The following MACO1 variants were observed in gnomAD, a reference collection of about 807,000 sequenced individuals.
MACO1 encodes the protein macoilin 1, also known as macoilin.
MACO1 carries 14 observed loss-of-function variants against 78.7 expected under a neutral mutation model. The ratio of observed to expected loss-of-function variants is 0.18; its 90% confidence interval spans 0.12 to 0.28. The LOEUF (loss-of-function observed/expected upper bound fraction) is 0.28. Among genes scored for constraint, MACO1 ranks in the 10% least tolerant of loss-of-function variants. The pLI is 1.00. For missense variants in MACO1, 501 were observed against 799.0 expected (o/e 0.63, Z 4.50); for synonymous variants, 288 against 291.6 (o/e 0.99, Z 0.12).
chr1:25,457,167 C>T (rs2043129059), intron 5 of MACO1, among the ~76,000 whole-genome samples: 1 of 151,612 alleles, frequency 6.6e-6, no homozygotes. Flanking sequence ...GCAGTGATAA[C>T]AGTTAGGGAC....
At chr1:25,453,520 G>A (rs2043086933) in intron 3 of MACO1, among the ~76,000 whole-genome samples, 3 of 151,082 alleles carry the variant, frequency 2.0e-5, no homozygotes, top group South Asian at 2.1e-4. Flanking sequence ...AAAATTAGCC[G>A]GTCGTGGTGG....
chr1:25,498,667 C>T lies in MACO1; in HGVS notation c.*201C>T. On this transcript the variant is annotated 3_prime_UTR_variant, in exon 11 of 11. Transcript: ENST00000374343. ...GTTTTTCTTGTAAATTTTTAGAAGACCTCACAGAACTTTACAGTTTATTTT... is the reference window on the plus strand; with the variant it reads ...GTTTTTCTTGTAAATTTTTAGAAGATCTCACAGAACTTTACAGTTTATTTT... 5 of 495,170 alleles carry T rather than the reference C, an allele frequency of 1.0e-5. No homozygotes were observed. 30.7% of individuals were successfully genotyped at this position (495,170 alleles called of 1,614,324 possible). A position where few individuals can be genotyped will look rare whatever the true frequency, so the allele number is the denominator to read the frequency against.
intron 3 of MACO1, 38 bp from the exon 4 acceptor site, chr1:25,454,221 C>A (rs1263006782): frequency 2.1e-5 from 32 of 1,530,488 alleles, no homozygotes; most frequent in Non-Finnish European, 2.6e-5. Context: ...GTTACTATAT[C>A]GTTTATTAAT....
At chr1:25,434,488 C>T (rs902235514) in intron 1 of MACO1, among the ~76,000 whole-genome samples, 10 of 152,070 alleles carry the variant, frequency 6.6e-5, no homozygotes, top group Non-Finnish European at 1.3e-4. Flanking sequence ...TCTAGTAGGC[C>T]GTAGTAATAC....
chr1:25,437,999 A>T (rs1363297413), intron 1 of MACO1, among the ~76,000 whole-genome samples: 1 of 152,224 alleles, frequency 6.6e-6, no homozygotes, highest in African/African-American at 2.4e-5. Context: ...CACCATAATC[A>T]GCCCCCAATT....
At position 25,453,750 on chromosome 1, in the gene MACO1, T is replaced by C. The variant is rs148724262; in HGVS notation, c.350-509T>C. Among the ~76,000 whole-genome samples, 543 of 151,970 alleles carry C rather than the reference T, an allele frequency of 3.6e-3. 7 individuals carry two copies. Among genetic ancestry groups the C allele is most frequent in the East Asian group, 4.1e-3 (21 of 5,172 alleles). Reference sequence around the variant, plus strand: ...TTAAATATACTGCCAAATTGCTATCTAAAATGGTTGTCCCAATTTATATTA... The same window carrying C: ...TTAAATATACTGCCAAATTGCTATCCAAAATGGTTGTCCCAATTTATATTA... On this transcript the variant is annotated intron_variant, in intron 3 of 10. Transcript: ENST00000374343.
intron 1 of MACO1, among the ~76,000 whole-genome samples, chr1:25,438,356 C>G (rs924011203): frequency 2.6e-5 from 4 of 152,310 alleles, no homozygotes; most frequent in Middle Eastern, 3.4e-3. Context: ...CTTAATCACA[C>G]CTTACATTTC....
intron 1 of MACO1, among the ~76,000 whole-genome samples, chr1:25,438,431 TAGGC>T (rs2042938616): frequency 6.6e-6 from 1 of 152,224 alleles, no homozygotes; most frequent in African/African-American, 2.4e-5. Context: ...AAGTGTGAAA[TAGGC>T]AGAGTAGGTA....
At chr1:25,449,237 C>T (rs2043043733) in intron 3 of MACO1, among the ~76,000 whole-genome samples, 1 of 151,876 alleles carries the variant, frequency 6.6e-6, no homozygotes, top group African/African-American at 2.4e-5. Context: ...TACTTGAAGA[C>T]AGCCATGTGC....
Position 25,458,422 on chromosome 1 carries a change from G to T in MACO1, c.684G>T (p.Ser228=). 1 of 1,599,532 alleles carries T rather than the reference G, an allele frequency of 6.3e-7. No individual in the cohort carries two copies. Among genetic ancestry groups the T allele is most frequent in the Non-Finnish European group, 8.5e-7 (1 of 1,176,122 alleles). Residue 228 remains serine (S), a synonymous_variant, in exon 6 of 11, where the codon TCG becomes TCT. Transcript: ENST00000374343. The part of the protein sequence containing the change: ...AAKGLPDMDS[S]ILIHHNGGIP... Reference sequence around the variant, plus strand: ...AAGGATTACCTGATATGGATTCTTCGATCCTTATACACCACAATGGAGGTA... The same window carrying T: ...AAGGATTACCTGATATGGATTCTTCTATCCTTATACACCACAATGGAGGTA...
intron 10 of MACO1, among the ~76,000 whole-genome samples, chr1:25,496,367 C>T (rs1038837794): frequency 2.0e-5 from 3 of 152,162 alleles, no homozygotes; most frequent in Non-Finnish European, 4.4e-5. Context: ...GGGCTGGTCT[C>T]GAACTCCTGG....
chr1:25,454,246 T>C lies in MACO1; in HGVS notation c.350-13T>C, dbSNP rs754384790. The C allele has an allele frequency of 1.3e-6, 2 of 1,574,692 alleles. No homozygotes were observed. Among genetic ancestry groups the C allele is most frequent in the South Asian group, 1.2e-5 (1 of 83,874 alleles). ...CGTTTATTAATGCTTGCCTCTCTGC[T>C]GCTTTCTCACAGAAAGGGGAGTGTG... On this transcript the variant is annotated splice_polypyrimidine_tract_variant and intron_variant, in intron 3 of 10. Coordinates refer to ENST00000374343, the MANE Select transcript of MACO1 (RefSeq NM_018202.6).
Position 25,431,053 on chromosome 1 carries a change from G to T in MACO1, c.-46G>T. 1 of 1,512,016 alleles carries T rather than the reference G, an allele frequency of 6.6e-7. No homozygotes were observed. Among genetic ancestry groups the T allele is most frequent in the Non-Finnish European group, 8.9e-7 (1 of 1,120,576 alleles). The allele number at this position is 1,512,016 out of a possible 1,614,324, so 93.7% of individuals were successfully genotyped here. ...GGCCAGCGGCGGCGGCAGCTGAGGT[G>T]AGAGACGGCGGCGGCGGCGCGGGCA... On this transcript the variant is annotated 5_prime_UTR_variant, in exon 1 of 11. Coordinates refer to ENST00000374343, the MANE Select transcript of MACO1 (RefSeq NM_018202.6).
intron 6 of MACO1, among the ~76,000 whole-genome samples, chr1:25,475,483 G>A (rs1243984042): frequency 6.6e-6 from 1 of 151,732 alleles, no homozygotes; most frequent in Non-Finnish European, 1.5e-5. Context: ...AGGCCGAGGT[G>A]GGAGGATCAC....
rs576173999 is a variant in MACO1 at position 25,454,247 on chromosome 1, G to C, written c.350-12G>C. The C allele has an allele frequency of 5.7e-6, 9 of 1,573,512 alleles. No individual in the cohort carries two copies. The African/African-American group carries it at 1.1e-4, about 19-fold the overall frequency. On this transcript the variant is annotated splice_polypyrimidine_tract_variant and intron_variant, in intron 3 of 10. Coordinates refer to ENST00000374343, the MANE Select transcript of MACO1 (RefSeq NM_018202.6). ...GTTTATTAATGCTTGCCTCTCTGCT[G>C]CTTTCTCACAGAAAGGGGAGTGTGT...
At chr1:25,440,667 G>C (rs933430917) in intron 1 of MACO1, among the ~76,000 whole-genome samples, 1 of 151,290 alleles carries the variant, frequency 6.6e-6, no homozygotes, top group Admixed American at 6.6e-5. Context: ...TACTTGAGAG[G>C]CTGAGGTGGG....
intron 6 of MACO1, among the ~76,000 whole-genome samples, chr1:25,462,993 A>G (rs753949286): frequency 6.6e-4 from 100 of 152,342 alleles, no homozygotes; most frequent in Non-Finnish European, 1.2e-3. Context: ...CTACAGTGGC[A>G]GGGCTGAATA....
At position 25,480,874 on chromosome 1, in the gene MACO1, T is replaced by G. The variant is rs561136533; in HGVS notation, c.1155-3242T>G. On this transcript the variant is annotated intron_variant, in intron 6 of 10. Transcript: ENST00000374343. ...TGAACCCAGGAGGGGGAGATTGCAG[T>G]GAGCTGAGATCAGCCTGGGCAACAG... 4.5e-5 allele frequency among the ~76,000 whole-genome samples: 6 copies of G among 133,948 alleles called. No individual in the cohort carries two copies. The South Asian group carries it at 1.4e-3, about 31-fold the overall frequency. 87.9% of individuals were successfully genotyped at this position (133,948 alleles called of 152,430 possible).
At chr1:25,443,542 T>G (rs753481844) in intron 1 of MACO1, among the ~76,000 whole-genome samples, 16 of 152,126 alleles carry the variant, frequency 1.1e-4, no homozygotes, top group Non-Finnish European at 1.5e-5. Context: ...AGCAGTTGTT[T>G]GAAAAGAAAT....
Sources: allele counts gnomAD v4.1 joint callset (sites outside exome capture counted in the v4.1 genomes callset), GRCh38; gene constraint gnomAD v4.1.1; transcripts MANE v1.5; gene names NCBI Gene and HGNC (gene_info 2026-07-23, HGNC 2026-07-21).